ZNF142: variants seen among roughly 807,000 people sequenced by gnomAD.
The protein encoded by ZNF142 is zinc finger protein 142 (clone pHZ-49).
ZNF142 carries 96 observed loss-of-function variants against 132.1 expected under a neutral mutation model. That is an observed-to-expected ratio of 0.73 (90% CI 0.62 to 0.86). The LOEUF is 0.86. ZNF142 is among the 40% of genes least tolerant of loss of function. The pLI, the probability that ZNF142 is intolerant of heterozygous loss-of-function variation, is 0.00. For missense variants in ZNF142, 2,163 were observed against 2,336.2 expected, an observed-to-expected ratio of 0.93 and a Z score of 1.53; for synonymous variants, 842 against 890.1, an observed-to-expected ratio of 0.95 and a Z score of 0.96.
chr2:218,651,447 AAGTAACTTC>A (rs1937986301), intron 5 of ZNF142, among the ~76,000 whole-genome samples: 1 of 152,248 alleles, frequency 6.6e-6, no homozygotes, highest in South Asian at 2.1e-4. Flanking sequence ...AATATTGGTT[AAGTAACTTC>A]AGGCCACACG....
intron 7 of ZNF142, among the ~76,000 whole-genome samples, chr2:218,648,230 T>C (rs1431361393): frequency 3.3e-5 from 5 of 152,264 alleles, no homozygotes; most frequent in East Asian, 1.9e-4. Context: ...TAGAAGGCCA[T>C]ATGCGTGTGG....
At chr2:218,656,606 T>C (rs1183781936) in intron 3 of ZNF142, 143 bp from the exon 4 acceptor site, 3 of 438,512 alleles carry the variant, frequency 6.8e-6, no homozygotes, top group Non-Finnish European at 7.7e-6. Flanking sequence ...TGAGACTAAA[T>C]AGAGGCTTTC....
rs957193576 is a variant in ZNF142 at position 218,637,074 on chromosome 2, G to A, written c.*1265C>T. 1.3e-5 allele frequency: 5 copies of A among 380,030 alleles called. No homozygotes were observed. Among genetic ancestry groups the A allele is most frequent in the Admixed American group, 6.8e-5 (2 of 29,582 alleles). The allele number at this position is 380,030 out of a possible 1,614,324, so 23.5% of individuals were successfully genotyped here. On this transcript the variant is annotated 3_prime_UTR_variant, in exon 11 of 11. Coordinates refer to ENST00000411696, the MANE Select transcript of ZNF142 (RefSeq NM_001379659.1). ...GATTAGGGAAAGAGACTTGACCCCA[G>A]GACTGTACTACGACTCTTAAGAGAA... is the stretch of plus-strand genomic sequence containing the variant.
chr2:218,633,619 C>G lies in ZNF142; in HGVS notation c.*4720G>C, dbSNP rs774426597. On this transcript the variant is annotated 3_prime_UTR_variant, in exon 11 of 11. Transcript: ENST00000411696. ...ACCTTCTCCAGAAATCCAAGCCCAT[C>G]TTGTGTCCAGCCCTCTCTTCCCTGG... 2 of 1,613,644 alleles carry G rather than the reference C, an allele frequency of 1.2e-6. No individual in the cohort carries two copies. Among genetic ancestry groups the G allele is most frequent in the Admixed American group, 1.7e-5 (1 of 60,022 alleles).
At chr2:218,647,855 G>A (rs748526633) in intron 7 of ZNF142, among the ~76,000 whole-genome samples, 7 of 152,162 alleles carry the variant, frequency 4.6e-5, no homozygotes, top group Non-Finnish European at 1.0e-4. Context: ...CTCAGAGTTT[G>A]TCTCTTTTCT....
rs1399985759 is a variant in ZNF142, at chr2:218,646,165, T to C, written c.2051+6A>G. ...ATTGGGACGGAGGCCTATGTGTGTG[T>C]TGTACCTGAGGTCCCCTGCATGTTT... On this transcript the variant is annotated splice_donor_region_variant and intron_variant, in intron 8 of 10. Transcript: ENST00000411696. 2 of 1,612,362 alleles carry C rather than the reference T, an allele frequency of 1.2e-6. No homozygotes were observed. The highest frequency in any genetic ancestry group is 2.2e-5 in the South Asian group (2 of 90,948).
Position 218,656,470 on chromosome 2 carries a change from A to G in ZNF142, c.-34-7T>C. On this transcript the variant is annotated splice_polypyrimidine_tract_variant and splice_region_variant and intron_variant, in intron 3 of 10. Coordinates refer to ENST00000411696, the MANE Select transcript of ZNF142 (RefSeq NM_001379659.1). Reference sequence around the variant, plus strand: ...TGTTTTGGCTTCTTAAATGCTGACAAGCCAACCAGAAGAAAAACAAAGTAA... The same window carrying G: ...TGTTTTGGCTTCTTAAATGCTGACAGGCCAACCAGAAGAAAAACAAAGTAA... The G allele has an allele frequency of 2.1e-6, 3 of 1,425,148 alleles. No homozygotes were observed. Among genetic ancestry groups the G allele is most frequent in the Non-Finnish European group, 2.8e-6 (3 of 1,082,762 alleles). The allele number at this position is 1,425,148 out of a possible 1,614,324, so 88.3% of individuals were successfully genotyped here.
rs1158526226 is a variant in ZNF142, at chr2:218,633,575, C to G, written c.*4764G>C. On this transcript the variant is annotated 3_prime_UTR_variant, in exon 11 of 11. Transcript: ENST00000411696. ...CTTCTCTCTCAGACTGCTGAGGGTT[C>G]AATTCCATCTTCTTTTCCACCTTCT... 6.2e-7 allele frequency: 1 copy of G among 1,607,916 alleles called. No individual in the cohort carries two copies.
chr2:218,645,121 T>A, intron 8 of ZNF142, 57 bp from the exon 9 acceptor site: 1 of 1,573,462 alleles, frequency 6.4e-7, no homozygotes, highest in Non-Finnish European at 8.6e-7. Flanking sequence ...CAACTAAGAA[T>A]CAGTCAGTAA....
chr2:218,639,496 C>T (rs2106188862), intron 10 of ZNF142, among the ~76,000 whole-genome samples: 1 of 152,226 alleles, frequency 6.6e-6, no homozygotes, highest in East Asian at 1.9e-4. Flanking sequence ...TGGAATTCGA[C>T]AATTCATTTA....
chr2:218,650,350 T>C lies in ZNF142; in HGVS notation c.1048+9A>G. ...CCACCAAGGGCTTCAAGCCTCAGAATGTCATTACCTTCCAGCCGCTGAGCC... is the reference window on the plus strand; with the variant it reads ...CCACCAAGGGCTTCAAGCCTCAGAACGTCATTACCTTCCAGCCGCTGAGCC... On this transcript the variant is annotated intron_variant, in intron 6 of 10. Coordinates refer to ENST00000411696, the MANE Select transcript of ZNF142 (RefSeq NM_001379659.1). The C allele has an allele frequency of 1.2e-6, 2 of 1,614,118 alleles. No individual in the cohort carries two copies. The highest frequency in any genetic ancestry group is 1.7e-6 in the Non-Finnish European group (2 of 1,180,030).
At chr2:218,641,048 C>T (rs547326152) in intron 9 of ZNF142, among the ~76,000 whole-genome samples, 1 of 151,920 alleles carries the variant, frequency 6.6e-6, no homozygotes, top group African/African-American at 2.4e-5. Context: ...GATCCTCCCA[C>T]CTCAGCCTCC....
At chr2:218,640,341 A>G (rs1697084233) in intron 10 of ZNF142, among the ~76,000 whole-genome samples, 1 of 152,214 alleles carries the variant, frequency 6.6e-6, no homozygotes, top group African/African-American at 2.4e-5. Context: ...ATGTCTGTGT[A>G]AGAGCCAAGC....
rs544086635 is a variant in ZNF142, at chr2:218,635,879, T to C, written c.*2460A>G. ...ATCCACTGGTGAAAGTGCAGATCTTTGGCGTTCGTCTAGACACAGCACGGC... is the reference window on the plus strand; with the variant it reads ...ATCCACTGGTGAAAGTGCAGATCTTCGGCGTTCGTCTAGACACAGCACGGC... On this transcript the variant is annotated 3_prime_UTR_variant, in exon 11 of 11. Coordinates refer to ENST00000411696, the MANE Select transcript of ZNF142 (RefSeq NM_001379659.1). 6.2e-7 allele frequency: 1 copy of C among 1,613,988 alleles called. No homozygotes were observed. The highest frequency in any genetic ancestry group is 1.7e-5 in the Admixed American group (1 of 60,020).
In ZNF142 at chr2:218,648,675, G is replaced by A. The variant is rs201521233; in HGVS notation, c.1833C>T (p.Ala611=). Residue 611 remains alanine (A), a synonymous_variant, in exon 7 of 11, where the codon GCC becomes GCT. Transcript: ENST00000411696. Reference sequence around the variant, plus strand: ...TGTGTCGGATGAGCACCCTCTTGTGGGCAGTGGCAAAGTTGCACTCAGGAC... The same window carrying A: ...TGTGTCGGATGAGCACCCTCTTGTGAGCAGTGGCAAAGTTGCACTCAGGAC... ...HQCPECNFAT[A]HKRVLIRHML... 305 of 1,614,200 alleles carry A rather than the reference G, an allele frequency of 1.9e-4. No individual in the cohort carries two copies. The highest frequency in any genetic ancestry group is 2.3e-4 in the Non-Finnish European group (269 of 1,180,034).
rs1696667176 is a variant in ZNF142 at position 218,635,410 on chromosome 2, C to T, written c.*2929G>A. On this transcript the variant is annotated 3_prime_UTR_variant, in exon 11 of 11. Coordinates refer to ENST00000411696, the MANE Select transcript of ZNF142 (RefSeq NM_001379659.1). ...CTGGAGTGCAGTGGCATGATCTTGGCTCACTGCAACCTCCGCCTCCTGGGT... is the reference window on the plus strand; with the variant it reads ...CTGGAGTGCAGTGGCATGATCTTGGTTCACTGCAACCTCCGCCTCCTGGGT... Among the ~76,000 whole-genome samples the T allele has an allele frequency of 6.6e-6, 1 of 152,280 alleles. No individual in the cohort carries two copies. Among genetic ancestry groups the T allele is most frequent in the South Asian group, 2.1e-4 (1 of 4,822 alleles).
chr2:218,643,006 A>T lies in ZNF142; in HGVS notation c.4110T>A (p.His1370Gln). 1 of 1,609,864 alleles carries T rather than the reference A, an allele frequency of 6.2e-7. No homozygotes were observed. The change falls in exon 9 of 11, where the codon CAT becomes CAA. Residue 1370 changes from histidine (H) to glutamine (Q), a missense_variant. By Grantham distance (24) the His-to-Gln change is conservative (BLOSUM62 0). Around this residue, in one of 7 missense-constraint regions of ZNF142, gnomAD observed 809 missense variants for 801.7 expected, o/e 1.01. Transcript: ENST00000411696. The stretch of plus-strand genomic sequence containing the variant: ...TGAAGCCACAGTCCCCACACTGTAG[A>T]TGGGGCCGGGGCCCACGGGCTGGGG... ...TAAPARGPRP[H>Q]LQCGDCGFTC...
In ZNF142 at chr2:218,642,657, C is replaced by G. The variant is rs199776653; in HGVS notation, c.4459G>C (p.Ala1487Pro). ...AACTGGGCTTCACACTGGGAGCAGG[C>G]AAAGGCTGGGGTGCCTTGGTGGCAG... ...NSCHQGTPAFACSQCEAQFSS... is the reference protein window; with the variant it reads ...NSCHQGTPAFPCSQCEAQFSS... Residue 1487 changes from alanine to proline, a missense_variant, in exon 9 of 11, where the codon GCC becomes CCC. By Grantham distance (27) the Ala-to-Pro change is conservative. Coordinates refer to ENST00000411696, the MANE Select transcript of ZNF142 (RefSeq NM_001379659.1). The surrounding 1 kb of genome is among the most constrained non-coding windows in gnomAD (Gnocchi z 4.6). 6.2e-7 allele frequency: 1 copy of G among 1,614,080 alleles called. No homozygotes were observed. Among genetic ancestry groups the G allele is most frequent in the Admixed American group, 1.7e-5 (1 of 60,028 alleles).
Position 218,646,364 on chromosome 2 carries a change from C to G in ZNF142, c.1874-16G>C. ...GGCTTCTCACCTTATATGGGGGATG[C>G]GGATGAAGGGAGAGAACACAGGTCA... On this transcript the variant is annotated splice_polypyrimidine_tract_variant and intron_variant, in intron 7 of 10. Transcript: ENST00000411696. 1 of 1,612,868 alleles carries G rather than the reference C, an allele frequency of 6.2e-7. No homozygotes were observed.
Sources: allele counts gnomAD v4.1 joint callset (sites outside exome capture counted in the v4.1 genomes callset), GRCh38; gene constraint gnomAD v4.1.1; regional missense constraint gnomAD v4.1.1; non-coding constraint Gnocchi (gnomAD v3.1); transcripts MANE v1.5; gene names NCBI Gene and HGNC (gene_info 2026-07-23, HGNC 2026-07-21).